Variants in C17orf67 observed in about 807,000 individuals in gnomAD.
C17orf67 encodes the protein chromosome 17 open reading frame 67, also known as uncharacterized protein C17orf67.
Under a neutral mutation model 11.2 loss-of-function variants are expected in C17orf67, and 12 were observed. The observed-to-expected ratio is 1.07, with a 90% confidence interval of 0.68 to 1.73. C17orf67 has a LOEUF of 1.73. C17orf67 is among the 40% of genes most tolerant of loss of function. The pLI is 0.00. For missense variants in C17orf67, 115 were observed against 113.5 expected (o/e 1.01, Z -0.06); for synonymous variants, 59 against 46.9 (o/e 1.26, Z -1.05).
chr17:56,822,463 C>T (rs1905927268), intron 4 of C17orf67, among the ~76,000 whole-genome samples: 1 of 151,936 alleles, frequency 6.6e-6, no homozygotes, highest in Non-Finnish European at 1.5e-5. Context: ...CTTAACTTTC[C>T]AAATCACTGT....
At chr17:56,809,525 AC>A (rs1905537867) in intron 6 of C17orf67, among the ~76,000 whole-genome samples, 1 of 144,716 alleles carries the variant, frequency 6.9e-6, no homozygotes, top group African/African-American at 2.6e-5. Context: ...TCACACATAC[AC>A]CCTCACGTAC....
chr17:56,805,152 A>G, intron 6 of C17orf67, among the ~76,000 whole-genome samples: 1 of 152,230 alleles, frequency 6.6e-6, no homozygotes, highest in East Asian at 1.9e-4. Context: ...TTGCGCTGCA[A>G]TTGCTATGCT....
rs570692089 is a variant in C17orf67 at position 56,824,293 on chromosome 17, G to A, written c.-201+446C>T. 8.1e-4 allele frequency among the ~76,000 whole-genome samples: 123 copies of A among 152,294 alleles called. 1 individual carries two copies. The highest frequency in any genetic ancestry group is 2.7e-3 in the African/African-American group (111 of 41,558). ...ACACTGGCTTGCCCTTCAGCTTTTTGTTCATGTTATGACACAGAGCAAAAG... is the reference window on the plus strand; with the variant it reads ...ACACTGGCTTGCCCTTCAGCTTTTTATTCATGTTATGACACAGAGCAAAAG... On this transcript the variant is annotated intron_variant, in intron 4 of 7. Coordinates refer to ENST00000397861, the MANE Select transcript of C17orf67 (RefSeq NM_001085430.4).
chr17:56,830,187 CA>C (rs544031283), intron 2 of C17orf67, among the ~76,000 whole-genome samples: 1 of 150,270 alleles, frequency 6.7e-6, no homozygotes, highest in Non-Finnish European at 1.5e-5. Context: ...ACTAAAAACA[CA>C]AAAAAAATTA....
chr17:56,819,873 G>A (rs1014790639), intron 4 of C17orf67, among the ~76,000 whole-genome samples: 1 of 152,120 alleles, frequency 6.6e-6, no homozygotes, highest in African/African-American at 2.4e-5. Flanking sequence ...GTGGAACCAG[G>A]GACAACTAAG....
chr17:56,809,501 C>T (rs561468724), intron 6 of C17orf67, among the ~76,000 whole-genome samples: 1 of 151,578 alleles, frequency 6.6e-6, no homozygotes, highest in South Asian at 2.1e-4. Context: ...CACACACGAA[C>T]CCTCACACAC....
chr17:56,826,810 A>G (rs904893466), intron 2 of C17orf67, among the ~76,000 whole-genome samples: 1 of 152,256 alleles, frequency 6.6e-6, no homozygotes, highest in African/African-American at 2.4e-5. Context: ...GCTGTGTGAC[A>G]TGAAGCATGT....
chr17:56,792,537 GTGGTGA>G (rs1282208573), intron 7 of C17orf67, among the ~76,000 whole-genome samples, 185 bp from the exon 8 acceptor site: 6 of 148,870 alleles, frequency 4.0e-5, no homozygotes, highest in African/African-American at 1.2e-4. Flanking sequence ...GGTGGTGGTG[GTGGTGA>G]TGATGGTGTG....
chr17:56,799,983 T>TAA lies in C17orf67; in HGVS notation c.157-4804_157-4803insTT, dbSNP rs1441177787. 6.0e-4 allele frequency among the ~76,000 whole-genome samples: 19 copies of TAA among 31,684 alleles called. No individual in the cohort carries two copies. In the Middle Eastern group the frequency reaches 0.058, roughly 96 times the overall value. The allele number at this position is 31,684 out of a possible 152,430, so 20.8% of individuals were successfully genotyped here. On this transcript the variant is annotated intron_variant, in intron 6 of 7. Transcript: ENST00000397861. ...GATACATATTACTTTCTTAAAGTCA[T>TAA]GAAAAAAAAAAAGAAAGTTATAAAG...
At chr17:56,792,479 G>A (rs530644941) in intron 7 of C17orf67, 127 bp from the exon 8 acceptor site, 1 of 150,164 alleles carries the variant, frequency 6.7e-6, no homozygotes, top group East Asian at 2.0e-4. Context: ...TAGTGATGAT[G>A]GTTATGATGG....
intron 2 of C17orf67, 68 bp downstream of exon 2, chr17:56,832,830 T>G (rs1390602537): frequency 2.0e-5 from 3 of 152,206 alleles, no homozygotes; most frequent in Non-Finnish European, 4.4e-5. Flanking sequence ...CTTCTACAGT[T>G]AATACAAATA....
intron 6 of C17orf67, among the ~76,000 whole-genome samples, chr17:56,802,465 C>T (rs181317021): frequency 1.4e-4 from 21 of 152,366 alleles, no homozygotes; most frequent in African/African-American, 4.8e-4. Context: ...TCTCCAGCTC[C>T]GGGAACCGTC....
intron 6 of C17orf67, among the ~76,000 whole-genome samples, chr17:56,800,151 C>T (rs539494624): frequency 3.3e-5 from 5 of 149,296 alleles, no homozygotes; most frequent in South Asian, 2.1e-4. Context: ...CTGCAAGCTC[C>T]GCTTCCCGGG....
At chr17:56,831,118 G>A (rs1193819244) in intron 2 of C17orf67, among the ~76,000 whole-genome samples, 1 of 152,252 alleles carries the variant, frequency 6.6e-6, no homozygotes, top group East Asian at 1.9e-4. Flanking sequence ...AGCCTGCAGG[G>A]AACATAGTAA....
chr17:56,794,247 C>G (rs979534109), intron 7 of C17orf67, among the ~76,000 whole-genome samples: 2 of 152,096 alleles, frequency 1.3e-5, no homozygotes, highest in East Asian at 3.8e-4. Flanking sequence ...CACAGTAGCA[C>G]AAAATAAACA....
chr17:56,814,942 T>C lies in C17orf67; in HGVS notation c.83A>G (p.Gln28Arg). 2.5e-6 allele frequency: 4 copies of C among 1,614,126 alleles called. No homozygotes were observed. The highest frequency in any genetic ancestry group is 3.4e-6 in the Non-Finnish European group (4 of 1,179,984). ...SETSPILTEK[Q>R]AKQLLRSRRQ... is the part of the protein sequence containing the mutation. Reference sequence around the variant, plus strand: ...CCGAGATCTTAGGAGCTGTTTGGCCTGCTTCTCTGTCAAAATCGGGGAGGT... The same window carrying C: ...CCGAGATCTTAGGAGCTGTTTGGCCCGCTTCTCTGTCAAAATCGGGGAGGT... The change falls in exon 6 of 8, where the codon CAG becomes CGG. Residue 28 changes from glutamine to arginine, a missense_variant. Coordinates refer to ENST00000397861, the MANE Select transcript of C17orf67 (RefSeq NM_001085430.4).
intron 6 of C17orf67, among the ~76,000 whole-genome samples, chr17:56,813,708 G>A (rs764198551): frequency 2.6e-5 from 4 of 152,034 alleles, no homozygotes; most frequent in Non-Finnish European, 5.9e-5. Flanking sequence ...CACCTAGCAG[G>A]TACCAGGTAC....
intron 2 of C17orf67, among the ~76,000 whole-genome samples, chr17:56,825,944 AGTGT>A (rs34927974): frequency 1.8e-4 from 16 of 90,184 alleles, no homozygotes; most frequent in African/African-American, 5.6e-4. Flanking sequence ...GAAACCTGTG[AGTGT>A]GTGTGTGTGT....
In C17orf67 at chr17:56,825,221, T is replaced by C. The variant is rs1182156656; in HGVS notation, c.-456A>G. 6.6e-6 allele frequency: 1 copy of C among 152,222 alleles called. No individual in the cohort carries two copies. 9.4% of individuals were successfully genotyped at this position (152,222 alleles called of 1,614,324 possible). On this transcript the variant is annotated 5_prime_UTR_variant, in exon 3 of 8. Transcript: ENST00000397861. ...AATCCACACTCTGCGGTACCCTAAATGGTTGAAGAGCATCACAAACTTTGG... is the reference window on the plus strand; with the variant it reads ...AATCCACACTCTGCGGTACCCTAAACGGTTGAAGAGCATCACAAACTTTGG...
Sources: allele counts gnomAD v4.1 joint callset (sites outside exome capture counted in the v4.1 genomes callset), GRCh38; gene constraint gnomAD v4.1.1; transcripts MANE v1.5; gene names NCBI Gene and HGNC (gene_info 2026-07-23, HGNC 2026-07-21).